Variants in C12orf56 observed in about 807,000 individuals in gnomAD.
C12orf56 encodes chromosome 12 open reading frame 56.
C12orf56 carries 71 observed loss-of-function variants against 69.9 expected under a neutral mutation model. The ratio of observed to expected loss-of-function variants is 1.02; its 90% CI spans 0.84 to 1.24. C12orf56 has a LOEUF of 1.24. Ranked by LOEUF, C12orf56 falls within the 50% of genes most tolerant of loss-of-function variation. C12orf56 has a pLI of 0.00. For synonymous variants in C12orf56, 276 were observed against 274.1 expected, an observed-to-expected ratio of 1.01 and a Z score of -0.07; for missense variants, 732 against 738.5, an observed-to-expected ratio of 0.99 and a Z score of 0.10.
intron 5 of C12orf56, 117 bp from the exon 6 acceptor site, chr12:64,303,896 GT>G: frequency 8.4e-7 from 1 of 1,194,564 alleles, no homozygotes; most frequent in Non-Finnish European, 1.1e-6. Context: ...TTTTAATATA[GT>G]TTTATTCTCC....
At chr12:64,330,023 G>A (rs1325182033) in intron 3 of C12orf56, among the ~76,000 whole-genome samples, 4 of 152,032 alleles carry the variant, frequency 2.6e-5, no homozygotes, top group African/African-American at 9.7e-5. Flanking sequence ...ATGATTTGTA[G>A]TCCTTTGGGT....
chr12:64,322,175 C>G (rs1328472863), intron 3 of C12orf56, among the ~76,000 whole-genome samples: 4 of 151,670 alleles, frequency 2.6e-5, no homozygotes, highest in African/African-American at 4.8e-5. Flanking sequence ...TTCTCCTCTC[C>G]TTCTAAGACT....
At chr12:64,362,171 T>C (rs1273666050) in intron 1 of C12orf56, among the ~76,000 whole-genome samples, 1 of 152,140 alleles carries the variant, frequency 6.6e-6, no homozygotes, top group Non-Finnish European at 1.5e-5. Context: ...TCTTTTCTCC[T>C]TAGAAACTGG....
chr12:64,337,365 C>G (rs778174461), intron 2 of C12orf56, among the ~76,000 whole-genome samples: 12 of 152,208 alleles, frequency 7.9e-5, no homozygotes, highest in Non-Finnish European at 1.8e-4. Flanking sequence ...ACTGCCCTAA[C>G]TTCAGATGCC....
At chr12:64,301,294 C>T (rs2038442548) in intron 6 of C12orf56, among the ~76,000 whole-genome samples, 1 of 152,092 alleles carries the variant, frequency 6.6e-6, no homozygotes, top group African/African-American at 2.4e-5. Context: ...TTTGCCTAGG[C>T]CTTTCCTGGG....
At chr12:64,375,707 C>A (rs2039630277) in intron 1 of C12orf56, among the ~76,000 whole-genome samples, 1 of 152,188 alleles carries the variant, frequency 6.6e-6, no homozygotes, top group Admixed American at 6.5e-5. Flanking sequence ...CATTCAGCAT[C>A]TGAAGCAAAT....
chr12:64,327,289 GA>G (rs2038857851), intron 3 of C12orf56, among the ~76,000 whole-genome samples: 1 of 152,182 alleles, frequency 6.6e-6, no homozygotes, highest in Non-Finnish European at 1.5e-5. Context: ...ACAGCACAGA[GA>G]AGGGAGAAAG....
intron 4 of C12orf56, among the ~76,000 whole-genome samples, chr12:64,313,061 C>T (rs922225684): frequency 6.6e-6 from 1 of 151,546 alleles, no homozygotes; most frequent in Non-Finnish European, 1.5e-5. Context: ...GAGATTGAGA[C>T]CATCCTGGCT....
intron 8 of C12orf56, among the ~76,000 whole-genome samples, chr12:64,281,125 T>C (rs1432995895): frequency 1.3e-5 from 2 of 151,216 alleles, no homozygotes; most frequent in East Asian, 3.9e-4. Context: ...AATACAAAAT[T>C]AGCAGGGTGT....
chr12:64,345,523 T>C (rs1420160562), intron 2 of C12orf56, among the ~76,000 whole-genome samples: 1 of 152,212 alleles, frequency 6.6e-6, no homozygotes, highest in Non-Finnish European at 1.5e-5. Context: ...TTCCAGTCAA[T>C]GCCCTAACTT....
intron 2 of C12orf56, among the ~76,000 whole-genome samples, chr12:64,331,733 C>T (rs539552928): frequency 6.6e-6 from 1 of 152,242 alleles, no homozygotes; most frequent in South Asian, 2.1e-4. Context: ...TCACCAGACA[C>T]TGAGTCTGCT....
rs189864484 is a variant in C12orf56 at position 64,332,603 on chromosome 12, G to A, written c.416-1571C>T. Among the ~76,000 whole-genome samples, 103 of 131,818 alleles carry A rather than the reference G, an allele frequency of 7.8e-4. 1 individual carries two copies. The highest frequency in any genetic ancestry group is 3.0e-3 in the African/African-American group (98 of 33,034). The allele number at this position is 131,818 out of a possible 152,430, so 86.5% of individuals were successfully genotyped here. On this transcript the variant is annotated intron_variant, in intron 2 of 12. Coordinates refer to ENST00000543942, the MANE Select transcript of C12orf56 (RefSeq NM_001170633.2). ...TGTATTTGTACAGTGTAAGACAGAC[G>A]TCTTAGTTATTTCAAGGGGGGGCTC...
In C12orf56 at chr12:64,362,639, C is replaced by T. The variant is rs529417254; in HGVS notation, c.253-9583G>A. On this transcript the variant is annotated intron_variant, in intron 1 of 12. Coordinates refer to ENST00000543942, the MANE Select transcript of C12orf56 (RefSeq NM_001170633.2). Reference sequence around the variant, plus strand: ...CCTGGGGGGCAGAGGTTGCAGTGAGCCAAGATTGCGCCATTGCACTCCAGC... The same window carrying T: ...CCTGGGGGGCAGAGGTTGCAGTGAGTCAAGATTGCGCCATTGCACTCCAGC... 1.8e-3 allele frequency among the ~76,000 whole-genome samples: 271 copies of T among 152,154 alleles called. 1 individual carries two copies. Among genetic ancestry groups the T allele is most frequent in the African/African-American group, 6.4e-3 (264 of 41,520 alleles).
intron 4 of C12orf56, among the ~76,000 whole-genome samples, chr12:64,314,457 T>C (rs1170770030): frequency 6.6e-6 from 1 of 152,216 alleles, no homozygotes; most frequent in Non-Finnish European, 1.5e-5. Context: ...TTTTGTTAAC[T>C]ATTTCCTTAT....
At chr12:64,385,268 T>C (rs1024083585) in intron 1 of C12orf56, among the ~76,000 whole-genome samples, 11 of 152,198 alleles carry the variant, frequency 7.2e-5, no homozygotes, top group African/African-American at 2.7e-4. Flanking sequence ...TTTAAGCTCA[T>C]TTTTGCTGGA....
At chr12:64,305,091 A>T (rs2038494283) in intron 5 of C12orf56, among the ~76,000 whole-genome samples, 1 of 152,108 alleles carries the variant, frequency 6.6e-6, no homozygotes, top group Non-Finnish European at 1.5e-5. Flanking sequence ...CCTTTGTCCA[A>T]TCAATGAGTC....
intron 8 of C12orf56, among the ~76,000 whole-genome samples, chr12:64,283,644 CTCT>C (rs111851186): frequency 0.017 from 2,549 of 149,318 alleles, 60 homozygotes; most frequent in African/African-American, 0.06. Flanking sequence ...CTGCTTCTCT[CTCT>C]TTTTTTTTTT....
Position 64,367,263 on chromosome 12 carries a change from T to C in C12orf56, c.253-14207A>G, listed in dbSNP as rs201719960. Among the ~76,000 whole-genome samples the C allele has an allele frequency of 2.6e-3, 298 of 115,560 alleles. 6 individuals are homozygous for C. Among genetic ancestry groups the C allele is most frequent in the African/African-American group, 7.6e-3 (210 of 27,738 alleles). 75.8% of individuals were successfully genotyped at this position (115,560 alleles called of 152,430 possible). On this transcript the variant is annotated intron_variant, in intron 1 of 12. Transcript: ENST00000543942. The stretch of plus-strand genomic sequence containing the variant: ...TATACAGTTTATATATTATATATAA[T>C]ATACAGTTTATATATTATATATAAT...
intron 4 of C12orf56, among the ~76,000 whole-genome samples, chr12:64,316,731 T>C (rs1011624553): frequency 4.6e-5 from 7 of 152,338 alleles, no homozygotes; most frequent in South Asian, 2.1e-4. Context: ...AATTTCCTCA[T>C]CTATAAAATG....
Sources: gnomAD v4.1 joint callset for allele counts (sites outside exome capture counted in the v4.1 genomes callset) on GRCh38, gnomAD v4.1.1 for gene constraint, MANE v1.5 for transcripts, NCBI Gene and HGNC (gene_info 2026-07-23, HGNC 2026-07-21) for gene names.